Variants in ABCA13 observed in about 807,000 individuals in gnomAD.
ABCA13 encodes ATP binding cassette subfamily A member 13.
A neutral mutation model predicts 478.7 loss-of-function variants in ABCA13; 476 were observed. That is an observed-to-expected ratio of 0.99 (90% CI 0.92 to 1.07). ABCA13 has a LOEUF of 1.07. Among genes scored for constraint, ABCA13 ranks in the 50% least tolerant of loss-of-function variants. The pLI, the probability that ABCA13 is intolerant of heterozygous loss-of-function variation, is 0.00. For synonymous variants in ABCA13, 2,252 were observed against 2,158.9 expected, an observed-to-expected ratio of 1.04 and a Z score of -1.20; for missense variants, 6,060 against 5,910.6, an observed-to-expected ratio of 1.03 and a Z score of -0.83.
chr7:48,348,196 G>A (rs948449303), intron 29 of ABCA13, among the ~76,000 whole-genome samples: 33 of 152,328 alleles, frequency 2.2e-4, no homozygotes, highest in African/African-American at 7.7e-4. Flanking sequence ...AGTGCTGAGG[G>A]AAAGGCCTCA....
intron 2 of ABCA13, among the ~76,000 whole-genome samples, chr7:48,197,685 A>G (rs1205498814): frequency 6.7e-6 from 1 of 150,304 alleles, no homozygotes; most frequent in Non-Finnish European, 1.5e-5. Flanking sequence ...TGTAAACAGC[A>G]CATTATCCAT....
chr7:48,357,330 T>G (rs996852602), intron 31 of ABCA13, among the ~76,000 whole-genome samples: 3 of 151,930 alleles, frequency 2.0e-5, no homozygotes, highest in Admixed American at 2.0e-4. Flanking sequence ...AAATTCCCAT[T>G]CTTGATGACC....
chr7:48,519,939 T>G (rs1832419628), intron 52 of ABCA13, 102 bp from the exon 53 acceptor site: 6 of 1,234,566 alleles, frequency 4.9e-6, no homozygotes, highest in African/African-American at 4.6e-5. Flanking sequence ...AGGGAAGACC[T>G]GGAACACAGA....
intron 15 of ABCA13, among the ~76,000 whole-genome samples, chr7:48,260,052 T>C (rs188412318): frequency 6.6e-6 from 1 of 152,202 alleles, no homozygotes; most frequent in Non-Finnish European, 1.5e-5. Context: ...TTGGATTCAG[T>C]TTCAACTTTC....
intron 54 of ABCA13, among the ~76,000 whole-genome samples, chr7:48,526,725 G>C (rs1224681521): frequency 6.6e-6 from 1 of 152,112 alleles, no homozygotes; most frequent in Non-Finnish European, 1.5e-5. Context: ...CATAGACAAG[G>C]TACAGTTAAA....
intron 41 of ABCA13, among the ~76,000 whole-genome samples, chr7:48,425,779 C>T (rs958982206): frequency 1.3e-5 from 2 of 150,938 alleles, no homozygotes; most frequent in African/African-American, 4.8e-5. Flanking sequence ...GTCTCGCTGT[C>T]GCCCAGGTTG....
intron 27 of ABCA13, among the ~76,000 whole-genome samples, chr7:48,323,578 T>G (rs1340979330): frequency 6.6e-6 from 1 of 152,250 alleles, no homozygotes; most frequent in East Asian, 1.9e-4. Flanking sequence ...GATTATCTCA[T>G]GTATGCCTCA....
chr7:48,389,794 T>C (rs929785605), intron 37 of ABCA13, among the ~76,000 whole-genome samples: 2 of 152,240 alleles, frequency 1.3e-5, no homozygotes, highest in African/African-American at 4.8e-5. Flanking sequence ...TTGGGCTGGC[T>C]GTAGAAGTGG....
At chr7:48,298,599 T>C (rs751950086) in intron 23 of ABCA13, 112 bp downstream of exon 23, 4 of 1,266,594 alleles carry the variant, frequency 3.2e-6, no homozygotes, top group Non-Finnish European at 3.2e-6. Flanking sequence ...CTTTGGCTAG[T>C]GTAGTGGGTT....
intron 58 of ABCA13, among the ~76,000 whole-genome samples, chr7:48,611,483 C>T (rs747020824): frequency 2.3e-4 from 35 of 152,258 alleles, no homozygotes; most frequent in African/African-American, 7.9e-4. Context: ...AACAGGCTCA[C>T]GGTTCCACAG....
intron 3 of ABCA13, among the ~76,000 whole-genome samples, chr7:48,213,979 C>T (rs1268332700): frequency 3.3e-5 from 5 of 152,226 alleles, no homozygotes; most frequent in African/African-American, 9.6e-5. Flanking sequence ...AAGTCTGGAA[C>T]CCACTCAAAA....
intron 35 of ABCA13, among the ~76,000 whole-genome samples, chr7:48,383,561 G>A (rs1814723874): frequency 6.6e-6 from 1 of 152,202 alleles, no homozygotes; most frequent in South Asian, 2.1e-4. Flanking sequence ...TTTGGAACAG[G>A]CAAATTGTGC....
chr7:48,465,578 A>G (rs4917147), intron 43 of ABCA13, among the ~76,000 whole-genome samples: 28,151 of 149,438 alleles, frequency 0.19, 3,162 homozygotes, highest in African/African-American at 0.31. Flanking sequence ...GCTCATAATA[A>G]TTATACATAT....
chr7:48,636,309 G>C (rs189304417), intron 59 of ABCA13, among the ~76,000 whole-genome samples: 2 of 152,306 alleles, frequency 1.3e-5, no homozygotes, highest in African/African-American at 4.8e-5. Flanking sequence ...CCATAACGTG[G>C]AGAAGCAGAT....
Position 48,309,066 on chromosome 7 carries a change from T to C in ABCA13, c.9322-881T>C, listed in dbSNP as rs77125270. Among the ~76,000 whole-genome samples the C allele has an allele frequency of 4.0e-4, 32 of 79,280 alleles. No homozygotes were observed. The East Asian group carries it at 4.6e-3, about 11-fold the overall frequency. 52.0% of individuals were successfully genotyped at this position (79,280 alleles called of 152,430 possible). Reference sequence around the variant, plus strand: ...ACACACACACACACACACACACACATTCTCTTGGTTCTGTTTCTCTGGAGG... The same window carrying C: ...ACACACACACACACACACACACACACTCTCTTGGTTCTGTTTCTCTGGAGG... On this transcript the variant is annotated intron_variant, in intron 23 of 61. Coordinates refer to ENST00000435803, the MANE Select transcript of ABCA13 (RefSeq NM_152701.5).
In ABCA13 at chr7:48,279,296, C is replaced by T. The variant is rs1796712927; in HGVS notation, c.8102C>T (p.Thr2701Ile). 6.3e-7 allele frequency: 1 copy of T among 1,588,720 alleles called. No individual in the cohort carries two copies. The highest frequency in any genetic ancestry group is 8.6e-7 in the Non-Finnish European group (1 of 1,165,536). Reference protein sequence around the residue: ...MDFLYPNPISTHSGPQDIKWE... With the variant: ...MDFLYPNPISIHSGPQDIKWE... ...TTCTTATACCCTAATCCAATTTCCACTCATAGTGGCCCTCAAGATATAAAA... is the reference window on the plus strand; with the variant it reads ...TTCTTATACCCTAATCCAATTTCCATTCATAGTGGCCCTCAAGATATAAAA... Residue 2701 changes from threonine (T) to isoleucine (I), a missense_variant, in exon 18 of 62, where the codon ACT (threonine) becomes ATT (isoleucine). Physicochemically the swap from Thr to Ile is moderately conservative, Grantham distance 89. Transcript: ENST00000435803.
At chr7:48,238,077 T>C (rs553959520) in intron 8 of ABCA13, among the ~76,000 whole-genome samples, 2 of 152,360 alleles carry the variant, frequency 1.3e-5, no homozygotes, top group South Asian at 4.1e-4. Context: ...CTATTGTCAT[T>C]GTTTAGTCAA....
At chr7:48,200,831 C>T (rs1470896618) in intron 3 of ABCA13, among the ~76,000 whole-genome samples, 1 of 152,184 alleles carries the variant, frequency 6.6e-6, no homozygotes, top group African/African-American at 2.4e-5. Context: ...AGACTCACTC[C>T]TGATTATTTT....
chr7:48,279,301 A>G lies in ABCA13; in HGVS notation c.8107A>G (p.Ser2703Gly), dbSNP rs1466418920. The change falls in exon 18 of 62, where the codon AGT (serine) becomes GGT (glycine). Residue 2703 changes from serine (S) to glycine (G), a missense_variant. Physicochemically the swap from Ser to Gly is moderately conservative, Grantham distance 56. Coordinates refer to ENST00000435803, the MANE Select transcript of ABCA13 (RefSeq NM_152701.5). ...ATACCCTAATCCAATTTCCACTCAT[A>G]GTGGCCCTCAAGATATAAAATGGGA... Reference protein sequence around the residue: ...FLYPNPISTHSGPQDIKWEII... With the variant: ...FLYPNPISTHGGPQDIKWEII... 1.9e-6 allele frequency: 3 copies of G among 1,588,540 alleles called. No individual in the cohort carries two copies. Among genetic ancestry groups the G allele is most frequent in the Non-Finnish European group, 2.6e-6 (3 of 1,165,470 alleles).
Sources: gnomAD v4.1 joint callset for allele counts (sites outside exome capture counted in the v4.1 genomes callset) on GRCh38, gnomAD v4.1.1 for gene constraint, MANE v1.5 for transcripts, NCBI Gene and HGNC (gene_info 2026-07-23, HGNC 2026-07-21) for gene names.